SGK3: variants seen among roughly 807,000 people sequenced by gnomAD.
The protein encoded by SGK3 is serum/glucocorticoid regulated kinase family member 3, also known as serine/threonine-protein kinase Sgk3.
A neutral mutation model predicts 68.5 loss-of-function variants in SGK3; 47 were observed. The ratio of observed to expected loss-of-function variants is 0.69; its 90% confidence interval spans 0.54 to 0.87. SGK3 has a LOEUF of 0.87. Ranked by LOEUF, SGK3 falls within the 40% of genes least tolerant of loss-of-function variation. The probability of loss-of-function intolerance (pLI) is 0.00; values close to 1 mark genes in which losing one functional copy is unlikely to be tolerated. For synonymous variants in SGK3, 181 were observed against 189.1 expected (o/e 0.96, Z 0.35); for missense variants, 479 against 575.5 (o/e 0.83, Z 1.72).
chr8:66,842,157 A>G (rs1809822062), intron 13 of SGK3, among the ~76,000 whole-genome samples: 1 of 150,458 alleles, frequency 6.6e-6, no homozygotes, highest in Non-Finnish European at 1.5e-5. Context: ...ATGAAGAAAC[A>G]TTCTTTGTTA....
chr8:66,804,496 A>G lies in SGK3; in HGVS notation c.253+49A>G, dbSNP rs762168566. ...GCTATGAAGTGATTGTTGAAGTTTG[A>G]AGAAGTAAATTAATGTATTCATTGC... On this transcript the variant is annotated intron_variant, in intron 4 of 16. Coordinates refer to ENST00000521198, the MANE Select transcript of SGK3 (RefSeq NM_001033578.3). 6.9e-6 allele frequency: 11 copies of G among 1,582,918 alleles called. No individual in the cohort carries two copies. The Admixed American group carries it at 1.9e-4, about 27-fold the overall frequency.
At chr8:66,853,164 G>C (rs1319669607) in intron 16 of SGK3, among the ~76,000 whole-genome samples, 5 of 151,982 alleles carry the variant, frequency 3.3e-5, no homozygotes, top group Non-Finnish European at 5.9e-5. Context: ...TTTTCCCTCT[G>C]GGAATGTTTT....
intron 16 of SGK3, among the ~76,000 whole-genome samples, chr8:66,857,987 A>G (rs934479815): frequency 2.6e-5 from 4 of 152,124 alleles, no homozygotes; most frequent in Admixed American, 6.6e-5. Context: ...CAAATGCTTC[A>G]TTGACAGTCT....
intron 10 of SGK3, among the ~76,000 whole-genome samples, chr8:66,838,647 A>G (rs1298960917): frequency 1.3e-5 from 2 of 152,162 alleles, no homozygotes; most frequent in Non-Finnish European, 2.9e-5. Flanking sequence ...TCACTGGCAA[A>G]GAATGGAAGA....
chr8:66,857,547 T>A (rs1205617932), intron 16 of SGK3, among the ~76,000 whole-genome samples: 3 of 151,888 alleles, frequency 2.0e-5, no homozygotes, highest in Non-Finnish European at 4.4e-5. Flanking sequence ...TTTGGGAGGC[T>A]GAGGTGGGAG....
intron 1 of SGK3, among the ~76,000 whole-genome samples, chr8:66,714,685 G>A (rs553264440): frequency 9.9e-5 from 15 of 152,174 alleles, no homozygotes; most frequent in African/African-American, 2.4e-4. Context: ...CAGTTTAGTC[G>A]GATGACCCCT....
intron 1 of SGK3, among the ~76,000 whole-genome samples, chr8:66,758,286 G>A (rs374801807): frequency 2.8e-4 from 42 of 151,996 alleles, no homozygotes; most frequent in African/African-American, 8.7e-4. Flanking sequence ...CCTGGGAGGC[G>A]GAGGTTGCAG....
At chr8:66,827,018 AT>A (rs1396880471) in intron 6 of SGK3, among the ~76,000 whole-genome samples, 1 of 152,190 alleles carries the variant, frequency 6.6e-6, no homozygotes, top group African/African-American at 2.4e-5. Flanking sequence ...TATTCTAGAT[AT>A]TACAAATTTG....
intron 1 of SGK3, chr8:66,768,005 T>C (rs912905006): frequency 1.3e-6 from 1 of 760,354 alleles, no homozygotes; most frequent in African/African-American, 1.7e-5. Flanking sequence ...AGAGTAGCCA[T>C]TCTGGATTAT....
intron 1 of SGK3, among the ~76,000 whole-genome samples, chr8:66,719,276 G>A (rs1443400325): frequency 6.6e-6 from 1 of 151,418 alleles, no homozygotes; most frequent in Non-Finnish European, 1.5e-5. Flanking sequence ...TTTTTAAATG[G>A]GGATTGTTTT....
rs577421392 is a variant in SGK3 at position 66,728,626 on chromosome 8, C to T, written c.-122+15793C>T. ...ACAGGTGTGAGCCACTGCTCCCAGC[C>T]ATTTCTTTATATTGGTGAAAAATAT... On this transcript the variant is annotated intron_variant, in intron 1 of 16. Coordinates refer to ENST00000521198, the MANE Select transcript of SGK3 (RefSeq NM_001033578.3). 3.2e-4 allele frequency among the ~76,000 whole-genome samples: 48 copies of T among 152,224 alleles called. 1 individual carries two copies. In the South Asian group the frequency reaches 3.5e-3, roughly 11 times the overall value.
At chr8:66,858,493 A>G (rs1810617459) in intron 16 of SGK3, among the ~76,000 whole-genome samples, 1 of 151,730 alleles carries the variant, frequency 6.6e-6, no homozygotes. Context: ...ACAAAATGCT[A>G]TCCTGAAAAC....
chr8:66,736,207 A>G (rs1371720647), intron 1 of SGK3, among the ~76,000 whole-genome samples: 2 of 152,246 alleles, frequency 1.3e-5, no homozygotes, highest in African/African-American at 4.8e-5. Flanking sequence ...TAAGCTTAGA[A>G]TACAGTTGGC....
In SGK3 at chr8:66,839,897, CAAAG is replaced by C. The variant is rs1809728712; in HGVS notation, c.742-103_742-100del. 3.7e-6 allele frequency: 4 copies of C among 1,085,542 alleles called. No individual in the cohort carries two copies. In the Admixed American group the frequency reaches 1.1e-4, roughly 30 times the overall value. 67.2% of individuals were successfully genotyped at this position (1,085,542 alleles called of 1,614,324 possible). A position where few individuals can be genotyped will look rare whatever the true frequency, so the allele number is the denominator to read the frequency against. On this transcript the variant is annotated intron_variant, in intron 10 of 16. Transcript: ENST00000521198. ...CATTTTTAGCTCACATTCAAAGTAA[CAAAG>C]AACAATTCCTACCTTTGTATTTACC... is the stretch of plus-strand genomic sequence containing the variant.
At chr8:66,738,801 T>A (rs745731434) in intron 1 of SGK3, among the ~76,000 whole-genome samples, 3 of 152,098 alleles carry the variant, frequency 2.0e-5, no homozygotes, top group Non-Finnish European at 4.4e-5. Context: ...CTAATTTTTT[T>A]TTGTATTTTT....
At chr8:66,774,215 A>G (rs1414514539) in intron 1 of SGK3, among the ~76,000 whole-genome samples, 2 of 152,194 alleles carry the variant, frequency 1.3e-5, no homozygotes, top group East Asian at 3.8e-4. Flanking sequence ...AAGGCTACAG[A>G]GCTAGGCTGG....
intron 1 of SGK3, among the ~76,000 whole-genome samples, chr8:66,771,474 G>A (rs1173631527): frequency 1.3e-5 from 2 of 152,156 alleles, no homozygotes; most frequent in African/African-American, 4.8e-5. Context: ...TCTGGTTAAG[G>A]TTGCAGTTAA....
intron 1 of SGK3, among the ~76,000 whole-genome samples, chr8:66,732,777 G>A (rs1032729089): frequency 1.3e-4 from 20 of 151,812 alleles, no homozygotes; most frequent in African/African-American, 4.6e-4. Flanking sequence ...CCTGGGAGGC[G>A]GAGGTTGCAG....
At chr8:66,760,330 CTTTT>C (rs201559163) in intron 1 of SGK3, among the ~76,000 whole-genome samples, 1 of 115,648 alleles carries the variant, frequency 8.6e-6, no homozygotes, top group Non-Finnish European at 1.8e-5. Context: ...TTTCTTTTTT[CTTTT>C]TTTTTTTTTT....
Sources: gnomAD v4.1 joint callset for allele counts (sites outside exome capture counted in the v4.1 genomes callset) on GRCh38, gnomAD v4.1.1 for gene constraint, MANE v1.5 for transcripts, NCBI Gene and HGNC (gene_info 2026-07-23, HGNC 2026-07-21) for gene names.